ARHGEF28: variants seen among roughly 807,000 people sequenced by gnomAD.
The protein encoded by ARHGEF28 is Rho guanine nucleotide exchange factor 28.
ARHGEF28 carries 152 observed loss-of-function variants against 206.6 expected under a neutral mutation model. That is an observed-to-expected ratio of 0.74 (90% CI 0.64 to 0.84). ARHGEF28 has a LOEUF of 0.84. Among genes scored for constraint, ARHGEF28 ranks in the 40% least tolerant of loss-of-function variants. The probability of loss-of-function intolerance (pLI) is 0.00; values close to 1 mark genes in which losing one functional copy is unlikely to be tolerated. For synonymous variants in ARHGEF28, 763 were observed against 776.4 expected, an observed-to-expected ratio of 0.98 and a Z score of 0.29; for missense variants, 2,028 against 2,073.2, an observed-to-expected ratio of 0.98 and a Z score of 0.42.
intron 35 of ARHGEF28, among the ~76,000 whole-genome samples, chr5:73,915,730 A>G (rs903209035): frequency 1.3e-5 from 2 of 152,154 alleles, no homozygotes; most frequent in Non-Finnish European, 2.9e-5. Context: ...GAATGCATCT[A>G]TATGTTATTT....
intron 2 of ARHGEF28, among the ~76,000 whole-genome samples, chr5:73,703,820 A>G (rs1177488543): frequency 6.6e-6 from 1 of 151,882 alleles, no homozygotes; most frequent in Non-Finnish European, 1.5e-5. Flanking sequence ...GGCAGATCAC[A>G]AGGTCAGGAG....
intron 7 of ARHGEF28, among the ~76,000 whole-genome samples, chr5:73,792,754 A>C (rs1180974209): frequency 6.6e-6 from 1 of 150,676 alleles, no homozygotes; most frequent in East Asian, 2.0e-4. Flanking sequence ...CTGTACACTT[A>C]TAATGTGCCA....
At chr5:73,930,517 TTGAG>T (rs746578192) in intron 35 of ARHGEF28, among the ~76,000 whole-genome samples, 26 of 152,186 alleles carry the variant, frequency 1.7e-4, no homozygotes, top group African/African-American at 3.4e-4. Flanking sequence ...ATTTTGTACT[TTGAG>T]TGGTTTTCAG....
intron 2 of ARHGEF28, among the ~76,000 whole-genome samples, chr5:73,698,508 C>G (rs1388264183): frequency 6.6e-6 from 1 of 152,002 alleles, no homozygotes; most frequent in Non-Finnish European, 1.5e-5. Context: ...GACCATTTTG[C>G]TTAGGGTCTT....
At chr5:73,683,763 T>C (rs1287334426) in intron 1 of ARHGEF28, among the ~76,000 whole-genome samples, 2 of 152,134 alleles carry the variant, frequency 1.3e-5, no homozygotes, top group Non-Finnish European at 2.9e-5. Flanking sequence ...AGAACTATCT[T>C]GTCACTATGC....
intron 2 of ARHGEF28, among the ~76,000 whole-genome samples, chr5:73,729,098 G>A (rs1247832483): frequency 6.6e-6 from 1 of 152,232 alleles, no homozygotes; most frequent in African/African-American, 2.4e-5. Flanking sequence ...GCCAGTGTGT[G>A]TAGCTGCATC....
chr5:73,855,521 C>T (rs2046551), intron 14 of ARHGEF28, among the ~76,000 whole-genome samples: 10,526 of 152,092 alleles, frequency 0.069, 866 homozygotes, highest in East Asian at 0.18. Context: ...CACCAGAGGT[C>T]AGGAGTTCCA....
chr5:73,869,785 G>A (rs1394531055), intron 20 of ARHGEF28, among the ~76,000 whole-genome samples: 1 of 152,136 alleles, frequency 6.6e-6, no homozygotes, highest in East Asian at 1.9e-4. Context: ...GCACATGCCT[G>A]TAATTCTTGC....
At chr5:73,788,509 T>C (rs1425776605) in intron 7 of ARHGEF28, among the ~76,000 whole-genome samples, 2 of 152,270 alleles carry the variant, frequency 1.3e-5, no homozygotes, top group South Asian at 4.1e-4. Context: ...GTATGTTACA[T>C]GTATTATATA....
intron 35 of ARHGEF28, among the ~76,000 whole-genome samples, chr5:73,930,155 C>G (rs1461400429): frequency 6.6e-6 from 1 of 152,126 alleles, no homozygotes; most frequent in Non-Finnish European, 1.5e-5. Context: ...GTAAGGATGT[C>G]TTCACTGTTG....
chr5:73,868,305 A>G (rs1244023920), intron 20 of ARHGEF28, 78 bp downstream of exon 20: 11 of 1,435,374 alleles, frequency 7.7e-6, no homozygotes, highest in Non-Finnish European at 1.0e-5. Context: ...AGGAAATAAG[A>G]TTGAAGCATT....
chr5:73,680,545 C>T (rs183002772), intron 1 of ARHGEF28, among the ~76,000 whole-genome samples: 8 of 146,342 alleles, frequency 5.5e-5, no homozygotes, highest in Admixed American at 1.4e-4. Flanking sequence ...GGATAAAAGA[C>T]GACACATTGG....
chr5:73,631,256 A>G lies in ARHGEF28; in HGVS notation c.-12+4934A>G, dbSNP rs537824168. ...TTCATTGGGCTGGATGGTTCAGACA[A>G]AGTCCCTCGGGGGCTTATATTTTTG... On this transcript the variant is annotated intron_variant, in intron 1 of 35. Coordinates refer to ENST00000513042, the MANE Select transcript of ARHGEF28 (RefSeq NM_001177693.2). Among the ~76,000 whole-genome samples, 7 of 152,324 alleles carry G rather than the reference A, an allele frequency of 4.6e-5. No individual in the cohort carries two copies. In the South Asian group the frequency reaches 1.5e-3, roughly 32 times the overall value.
chr5:73,696,399 C>T (rs1253334675), intron 2 of ARHGEF28, among the ~76,000 whole-genome samples: 1 of 152,178 alleles, frequency 6.6e-6, no homozygotes, highest in Non-Finnish European at 1.5e-5. Context: ...GTTGTCTTCA[C>T]CTAGCATACT....
chr5:73,882,151 G>T (rs1161809064), intron 22 of ARHGEF28, among the ~76,000 whole-genome samples: 1 of 151,974 alleles, frequency 6.6e-6, no homozygotes, highest in Non-Finnish European at 1.5e-5. Context: ...ATCTATAAAA[G>T]TATTAAAACT....
intron 1 of ARHGEF28, among the ~76,000 whole-genome samples, chr5:73,669,512 T>C (rs1019160654): frequency 6.6e-6 from 1 of 152,202 alleles, no homozygotes; most frequent in Non-Finnish European, 1.5e-5. Context: ...AATCTAGACA[T>C]TGACACATGT....
intron 2 of ARHGEF28, among the ~76,000 whole-genome samples, chr5:73,713,317 ATTC>A (rs372708271): frequency 5.9e-5 from 9 of 152,264 alleles, no homozygotes; most frequent in African/African-American, 2.2e-4. Context: ...GTTTTTCAAC[ATTC>A]TTATTTGTTT....
rs1177836272 is a variant in ARHGEF28, at chr5:73,798,956, G to A, written c.1024+3565G>A. Reference sequence around the variant, plus strand: ...TACCAAATTAGCCAGGCGTGGTGGCGCATGCCTGCAGTCCTGCTACTTGGG... The same window carrying A: ...TACCAAATTAGCCAGGCGTGGTGGCACATGCCTGCAGTCCTGCTACTTGGG... On this transcript the variant is annotated intron_variant, in intron 9 of 35. Transcript: ENST00000513042. Among the ~76,000 whole-genome samples, 6 of 152,070 alleles carry A rather than the reference G, an allele frequency of 3.9e-5. No individual in the cohort carries two copies. The East Asian group carries it at 7.7e-4, about 20-fold the overall frequency.
chr5:73,889,755 T>C (rs540244592), intron 26 of ARHGEF28, among the ~76,000 whole-genome samples: 21 of 152,206 alleles, frequency 1.4e-4, no homozygotes, highest in Non-Finnish European at 2.6e-4. Flanking sequence ...GTGAATGTGA[T>C]AGGGTCAGAA....
Sources: gnomAD v4.1 joint callset for allele counts (sites outside exome capture counted in the v4.1 genomes callset) on GRCh38, gnomAD v4.1.1 for gene constraint, MANE v1.5 for transcripts, NCBI Gene and HGNC (gene_info 2026-07-23, HGNC 2026-07-21) for gene names.